The following SLC4A4 variants were observed in gnomAD, a reference collection of about 807,000 sequenced individuals.
SLC4A4 encodes the protein electrogenic sodium bicarbonate cotransporter 1.
SLC4A4 carries 27 observed loss-of-function variants against 111.5 expected under a neutral mutation model. The observed-to-expected ratio is 0.24, with a 90% CI of 0.18 to 0.33. SLC4A4 has a LOEUF of 0.33. Among genes scored for constraint, SLC4A4 ranks in the 10% least tolerant of loss-of-function variants. The pLI is 1.00. For missense variants in SLC4A4, 909 were observed against 1,315.5 expected (o/e 0.69, Z 4.78); for synonymous variants, 443 against 463.4 (o/e 0.96, Z 0.57).
At position 71,278,765 on chromosome 4, in the gene SLC4A4, G is replaced by A. The variant is rs969320293; in HGVS notation, c.253+23366G>A. Among the ~76,000 whole-genome samples the A allele has an allele frequency of 3.3e-5, 5 of 152,198 alleles. No homozygotes were observed. In the South Asian group the frequency reaches 8.3e-4, roughly 25 times the overall value. On this transcript the variant is annotated intron_variant, in intron 3 of 25. Transcript: ENST00000264485. ...CTTCTTTGGGAAAATGTCTAATTAG[G>A]TCCTTTGTCCATTTAAAAAATGAGA...
intron 14 of SLC4A4, among the ~76,000 whole-genome samples, chr4:71,481,886 C>T (rs940549394): frequency 6.7e-6 from 1 of 149,750 alleles, no homozygotes; most frequent in Non-Finnish European, 1.5e-5. Context: ...AGAGATTGTC[C>T]CAGTGGTAAT....
In SLC4A4 at chr4:71,567,516, C is replaced by A. The variant is rs144256615; in HGVS notation, c.*37-272C>A. Among the ~76,000 whole-genome samples the A allele has an allele frequency of 1.7e-3, 254 of 151,748 alleles. 2 individuals are homozygous for A. The highest frequency in any genetic ancestry group is 5.6e-3 in the African/African-American group (233 of 41,466). On this transcript the variant is annotated intron_variant, in intron 25 of 25. Transcript: ENST00000264485. Reference sequence around the variant, plus strand: ...GTCCTTTAATTTCTGACAGCATTACCCACCTGGTAGTACCTCTTTTCCTTT... The same window carrying A: ...GTCCTTTAATTTCTGACAGCATTACACACCTGGTAGTACCTCTTTTCCTTT...
At chr4:71,496,383 A>C (rs1397484480) in intron 15 of SLC4A4, among the ~76,000 whole-genome samples, 2 of 152,184 alleles carry the variant, frequency 1.3e-5, no homozygotes, top group Admixed American at 1.3e-4. Flanking sequence ...AAGACAGGGA[A>C]GTAGTTAAAC....
intron 2 of SLC4A4, among the ~76,000 whole-genome samples, chr4:71,131,915 T>G (rs1743717046): frequency 6.6e-6 from 1 of 152,196 alleles, no homozygotes; most frequent in Non-Finnish European, 1.5e-5. Flanking sequence ...AGATGGAGCT[T>G]CCTGTACCAT....
chr4:71,133,733 T>A (rs1466368228), intron 2 of SLC4A4, among the ~76,000 whole-genome samples: 1 of 152,234 alleles, frequency 6.6e-6, no homozygotes, highest in Non-Finnish European at 1.5e-5. Context: ...TGGGGGCTAT[T>A]GATGTAATCA....
intron 22 of SLC4A4, 127 bp from the exon 23 acceptor site, chr4:71,559,966 G>A: frequency 1.3e-6 from 1 of 743,172 alleles, no homozygotes; most frequent in Non-Finnish European, 2.4e-6. Context: ...GTCAAGATCA[G>A]GTCTGTCATA....
At chr4:71,160,093 G>A (rs1744579689) in intron 2 of SLC4A4, among the ~76,000 whole-genome samples, 1 of 149,338 alleles carries the variant, frequency 6.7e-6, no homozygotes, top group Non-Finnish European at 1.5e-5. Context: ...CCCTGATGAA[G>A]TAGAGGCTAT....
chr4:71,485,696 C>A (rs1346566559), intron 14 of SLC4A4, among the ~76,000 whole-genome samples: 3 of 151,492 alleles, frequency 2.0e-5, no homozygotes, highest in African/African-American at 7.2e-5. Context: ...CAAAATTGAC[C>A]AAAAGTAGGG....
intron 7 of SLC4A4, among the ~76,000 whole-genome samples, chr4:71,405,890 G>A (rs1051608899): frequency 7.9e-5 from 12 of 152,096 alleles, no homozygotes; most frequent in African/African-American, 2.9e-4. Flanking sequence ...CTAATTGGAC[G>A]TCCGAGCTGG....
intron 3 of SLC4A4, among the ~76,000 whole-genome samples, chr4:71,294,453 A>T (rs1025986173): frequency 2.6e-5 from 4 of 152,218 alleles, no homozygotes; most frequent in African/African-American, 9.6e-5. Context: ...GGAAGAACGT[A>T]TGTCTACAAC....
chr4:71,498,405 G>A (rs999712376), intron 16 of SLC4A4, among the ~76,000 whole-genome samples: 2 of 152,070 alleles, frequency 1.3e-5, no homozygotes, highest in Non-Finnish European at 2.9e-5. Flanking sequence ...TTACAGTTCA[G>A]TTCTTAGTGT....
chr4:71,303,815 G>A (rs533665444), intron 3 of SLC4A4, among the ~76,000 whole-genome samples: 10 of 136,542 alleles, frequency 7.3e-5, no homozygotes, highest in South Asian at 2.4e-4. Context: ...CCCTCCCTCC[G>A]TCCTTCCTTT....
chr4:71,555,255 G>A (rs1307424760), intron 21 of SLC4A4, 47 bp downstream of exon 21: 1 of 1,202,644 alleles, frequency 8.3e-7, no homozygotes, highest in South Asian at 1.2e-5. Flanking sequence ...TTTTCTAGTA[G>A]TAAGAATAGT....
At chr4:71,302,034 G>A (rs1474937988) in intron 3 of SLC4A4, among the ~76,000 whole-genome samples, 3 of 152,182 alleles carry the variant, frequency 2.0e-5, no homozygotes, top group African/African-American at 4.8e-5. Flanking sequence ...AGCTTAGTAG[G>A]ATGTTATTTT....
chr4:71,409,217 G>T (rs1359132201), intron 7 of SLC4A4, among the ~76,000 whole-genome samples: 1 of 152,204 alleles, frequency 6.6e-6, no homozygotes, highest in Non-Finnish European at 1.5e-5. Flanking sequence ...ACCCAAAAAT[G>T]TGGAAGCAAC....
intron 7 of SLC4A4, among the ~76,000 whole-genome samples, chr4:71,420,045 C>T (rs540726152): frequency 4.8e-4 from 73 of 152,182 alleles, no homozygotes; most frequent in African/African-American, 1.3e-3. Flanking sequence ...AACGAGCTAC[C>T]GGAGGAAATT....
At chr4:71,559,970 TG>T in intron 22 of SLC4A4, 122 bp from the exon 23 acceptor site, 1 of 755,366 alleles carries the variant, frequency 1.3e-6, no homozygotes, top group Non-Finnish European at 2.3e-6. Flanking sequence ...AGATCAGGTC[TG>T]TCATACTCTA....
intron 2 of SLC4A4, among the ~76,000 whole-genome samples, chr4:71,119,838 T>C (rs1743368396): frequency 1.3e-5 from 2 of 152,200 alleles, no homozygotes; most frequent in Admixed American, 1.3e-4. Flanking sequence ...GTTTAGTCTG[T>C]CTTTATATTG....
At chr4:71,467,024 G>A (rs1289098009) in intron 13 of SLC4A4, among the ~76,000 whole-genome samples, 1 of 148,678 alleles carries the variant, frequency 6.7e-6, no homozygotes, top group Admixed American at 6.9e-5. Context: ...CTTTGTTTTA[G>A]CACAGCATTC....
Sources: allele counts gnomAD v4.1 joint callset (sites outside exome capture counted in the v4.1 genomes callset), GRCh38; gene constraint gnomAD v4.1.1; transcripts MANE v1.5; gene names NCBI Gene and HGNC (gene_info 2026-07-23, HGNC 2026-07-21).